The following COL24A1 variants were observed in gnomAD, a reference collection of about 807,000 sequenced individuals.
COL24A1 encodes collagen type XXIV alpha 1 chain.
COL24A1 carries 224 observed loss-of-function variants against 253.9 expected under a neutral mutation model. The ratio of observed to expected loss-of-function variants is 0.88; its 90% CI spans 0.79 to 0.99. The LOEUF is 0.99. COL24A1 is among the 50% of genes least tolerant of loss of function. COL24A1 has a pLI of 0.00. For synonymous variants in COL24A1, 685 were observed against 673.7 expected (o/e 1.02, Z -0.26); for missense variants, 2,131 against 2,068.5 (o/e 1.03, Z -0.59).
chr1:85,792,523 TAA>T (rs34566729), intron 47 of COL24A1, among the ~76,000 whole-genome samples: 4 of 128,078 alleles, frequency 3.1e-5, no homozygotes, highest in Non-Finnish European at 4.8e-5. Context: ...ACCCCATCTC[TAA>T]AAAAAAAAAA....
At chr1:86,128,039 A>C (rs1005643010) in intron 2 of COL24A1, among the ~76,000 whole-genome samples, 1 of 152,048 alleles carries the variant, frequency 6.6e-6, no homozygotes, top group Non-Finnish European at 1.5e-5. Flanking sequence ...AAACTTTTCC[A>C]CCAAAATATT....
chr1:85,830,860 G>A (rs1675167157), intron 43 of COL24A1, among the ~76,000 whole-genome samples: 1 of 152,240 alleles, frequency 6.6e-6, no homozygotes, highest in African/African-American at 2.4e-5. Context: ...ACCTCAGATG[G>A]AAATGCAGAA....
At chr1:85,879,886 A>T (rs1367935150) in intron 32 of COL24A1, among the ~76,000 whole-genome samples, 1 of 152,166 alleles carries the variant, frequency 6.6e-6, no homozygotes, top group Non-Finnish European at 1.5e-5. Context: ...TCAAGGGTCA[A>T]TCGTACTTGT....
intron 22 of COL24A1, among the ~76,000 whole-genome samples, chr1:85,966,593 A>T (rs2100725389): frequency 6.6e-6 from 1 of 152,262 alleles, no homozygotes; most frequent in Admixed American, 6.5e-5. Flanking sequence ...AAAATATTTA[A>T]TTTGATGCCA....
chr1:85,925,559 A>C (rs1407703835), intron 24 of COL24A1, among the ~76,000 whole-genome samples: 1 of 152,192 alleles, frequency 6.6e-6, no homozygotes. Flanking sequence ...CCTGAGAAAA[A>C]CAAGCAATGG....
At chr1:86,023,095 A>C in intron 14 of COL24A1, 88 bp from the exon 15 acceptor site, 5 of 1,217,572 alleles carry the variant, frequency 4.1e-6, no homozygotes, top group Non-Finnish European at 5.9e-6. Context: ...TAATGAACCC[A>C]AAACAGCCAA....
At chr1:86,140,293 C>G (rs189902125) in intron 2 of COL24A1, among the ~76,000 whole-genome samples, 24 of 152,308 alleles carry the variant, frequency 1.6e-4, no homozygotes, top group Non-Finnish European at 2.2e-4. Flanking sequence ...GATGCTGGCT[C>G]TGGAACACCT....
At chr1:85,757,865 G>A (rs1387654427) in intron 55 of COL24A1, among the ~76,000 whole-genome samples, 1 of 152,076 alleles carries the variant, frequency 6.6e-6, no homozygotes, top group Non-Finnish European at 1.5e-5. Context: ...GTGCAGTGAG[G>A]GGATCAAATA....
intron 7 of COL24A1, among the ~76,000 whole-genome samples, chr1:86,082,556 C>T (rs1045414838): frequency 2.0e-5 from 3 of 149,052 alleles, no homozygotes; most frequent in African/African-American, 7.5e-5. Flanking sequence ...ATAATCCTTT[C>T]ATATCTTCAT....
At chr1:85,846,372 G>A (rs1677141636) in intron 39 of COL24A1, among the ~76,000 whole-genome samples, 2 of 151,612 alleles carry the variant, frequency 1.3e-5, no homozygotes, top group African/African-American at 4.8e-5. Context: ...GAAACTGAAA[G>A]GGAAAAGACT....
In COL24A1 at chr1:85,820,048, A is replaced by G. The variant is rs55794524; in HGVS notation, c.3790-1961T>C. On this transcript the variant is annotated intron_variant, in intron 45 of 59. Coordinates refer to ENST00000370571, the MANE Select transcript of COL24A1 (RefSeq NM_152890.7). ...TTTTTAGTAGAGACGGAGTTTCACCATGTTGGCCAGGCTGGTCTTGAACTC... is the reference window on the plus strand; with the variant it reads ...TTTTTAGTAGAGACGGAGTTTCACCGTGTTGGCCAGGCTGGTCTTGAACTC... Among the ~76,000 whole-genome samples, 712 of 152,144 alleles carry G rather than the reference A, an allele frequency of 4.7e-3. 4 individuals are homozygous for G. Among genetic ancestry groups the G allele is most frequent in the Non-Finnish European group, 7.5e-3 (511 of 67,980 alleles).
intron 12 of COL24A1, among the ~76,000 whole-genome samples, chr1:86,037,570 C>A (rs1008425906): frequency 6.6e-6 from 1 of 152,126 alleles, no homozygotes; most frequent in South Asian, 2.1e-4. Flanking sequence ...ATTCTTCCTA[C>A]AACCTGAATG....
intron 1 of COL24A1, chr1:86,156,061 G>A: frequency 2.9e-6 from 1 of 345,520 alleles, no homozygotes; most frequent in Non-Finnish European, 5.2e-6. Flanking sequence ...GGGAGCCGCT[G>A]CCCTGGACCT....
chr1:85,741,698 A>G (rs965529244), intron 57 of COL24A1, among the ~76,000 whole-genome samples: 2 of 152,216 alleles, frequency 1.3e-5, no homozygotes, highest in African/African-American at 4.8e-5. Context: ...TCTCAGCTTG[A>G]AAGTTCATTG....
chr1:85,796,262 G>C (rs866973342), intron 47 of COL24A1, among the ~76,000 whole-genome samples: 6 of 152,010 alleles, frequency 3.9e-5, no homozygotes, highest in Admixed American at 1.3e-4. Context: ...AATGAATACA[G>C]GTATTTCAAC....
chr1:86,082,887 T>C (rs1210895032), intron 7 of COL24A1, among the ~76,000 whole-genome samples: 3 of 151,766 alleles, frequency 2.0e-5, no homozygotes, highest in Non-Finnish European at 4.4e-5. Flanking sequence ...TCTGAAATCT[T>C]AAATGCTCCC....
Position 85,768,587 on chromosome 1 carries a change from C to CGG in COL24A1, c.4375-7023_4375-7022dup, listed in dbSNP as rs34936701. On this transcript the variant is annotated intron_variant, in intron 53 of 59. Transcript: ENST00000370571. ...CTATGGCTTTGTTAGTTCTTTTGTG[C>CGG]GGGGGGAGGGCTTATTTCTTTTTCT... Among the ~76,000 whole-genome samples the CGG allele has an allele frequency of 2.5e-3, 366 of 147,232 alleles. 8 individuals carry two copies. Among genetic ancestry groups the CGG allele is most frequent in the South Asian group, 3.8e-3 (17 of 4,462 alleles).
At chr1:85,779,197 T>C (rs970529057) in intron 52 of COL24A1, among the ~76,000 whole-genome samples, 1 of 151,888 alleles carries the variant, frequency 6.6e-6, no homozygotes, top group Non-Finnish European at 1.5e-5. Flanking sequence ...GATGGGGGTC[T>C]CACTATGTTG....
chr1:86,033,279 T>C (rs1355029925), intron 13 of COL24A1, among the ~76,000 whole-genome samples: 1 of 152,172 alleles, frequency 6.6e-6, no homozygotes, highest in Non-Finnish European at 1.5e-5. Context: ...TAAAATCTTA[T>C]GAAAAGAATA....
Sources: allele counts gnomAD v4.1 joint callset (sites outside exome capture counted in the v4.1 genomes callset), GRCh38; gene constraint gnomAD v4.1.1; transcripts MANE v1.5; gene names NCBI Gene and HGNC (gene_info 2026-07-23, HGNC 2026-07-21).